Variants in AUTS2 observed in about 807,000 individuals in gnomAD.
The protein encoded by AUTS2 is activator of transcription and developmental regulator AUTS2.
In AUTS2, 17 loss-of-function variants were observed where a neutral mutation model predicts 112.4. The ratio of observed to expected loss-of-function variants is 0.15; its 90% CI spans 0.10 to 0.23. The LOEUF is 0.23. Ranked by LOEUF, AUTS2 falls within the 10% of genes least tolerant of loss-of-function variation. The pLI is 1.00. For synonymous variants in AUTS2, 751 were observed against 702.7 expected, an observed-to-expected ratio of 1.07 and a Z score of -1.09; for missense variants, 1,510 against 1,701.6, an observed-to-expected ratio of 0.89 and a Z score of 1.98.
chr7:70,043,057 A>G (rs969727959), intron 2 of AUTS2, among the ~76,000 whole-genome samples: 19 of 151,932 alleles, frequency 1.3e-4, no homozygotes, highest in African/African-American at 4.4e-4. Flanking sequence ...AAAATGTTTC[A>G]TGACAGTCTG....
At chr7:70,660,506 G>A (rs1457296196) in intron 5 of AUTS2, among the ~76,000 whole-genome samples, 1 of 152,210 alleles carries the variant, frequency 6.6e-6, no homozygotes, top group Non-Finnish European at 1.5e-5. Context: ...ACGTATTGAA[G>A]GCCTGCAGAT....
At chr7:70,042,509 G>A (rs1487676221) in intron 2 of AUTS2, among the ~76,000 whole-genome samples, 1 of 152,062 alleles carries the variant, frequency 6.6e-6, no homozygotes, top group East Asian at 1.9e-4. Flanking sequence ...TAAAAAAATT[G>A]TGCATTAAAT....
At chr7:70,117,023 A>C (rs6460536) in intron 2 of AUTS2, among the ~76,000 whole-genome samples, 51,125 of 149,406 alleles carry the variant, frequency 0.34, 8,850 homozygotes, top group African/African-American at 0.4. Flanking sequence ...AATTTTATGT[A>C]TTTGTTCATT....
chr7:69,801,153 C>A (rs1484752611), intron 1 of AUTS2, among the ~76,000 whole-genome samples: 1 of 150,870 alleles, frequency 6.6e-6, no homozygotes, highest in African/African-American at 2.4e-5. Flanking sequence ...AGCAGGTTAT[C>A]AATAAACATT....
At chr7:70,478,670 A>T (rs769709701) in intron 5 of AUTS2, among the ~76,000 whole-genome samples, 4 of 151,856 alleles carry the variant, frequency 2.6e-5, no homozygotes, top group Non-Finnish European at 5.9e-5. Flanking sequence ...GGCTCTCATG[A>T]GTCCTTCACA....
intron 4 of AUTS2, among the ~76,000 whole-genome samples, chr7:70,321,842 C>A (rs1445634463): frequency 2.0e-5 from 3 of 152,048 alleles, no homozygotes; most frequent in Admixed American, 2.0e-4. Context: ...GAGAATAGTA[C>A]CCTATAGTTT....
chr7:69,947,418 T>A (rs1477873088), intron 2 of AUTS2, among the ~76,000 whole-genome samples: 4 of 152,176 alleles, frequency 2.6e-5, no homozygotes, highest in Non-Finnish European at 5.9e-5. Flanking sequence ...GATTACTAAA[T>A]GACAAGTAAA....
At chr7:70,510,495 A>C (rs1799138124) in intron 5 of AUTS2, among the ~76,000 whole-genome samples, 1 of 152,148 alleles carries the variant, frequency 6.6e-6, no homozygotes, top group Non-Finnish European at 1.5e-5. Flanking sequence ...CCCAAGGGGG[A>C]TCCCCAAGAC....
chr7:70,105,318 T>TG (rs1267684681), intron 2 of AUTS2, among the ~76,000 whole-genome samples: 2 of 152,172 alleles, frequency 1.3e-5, no homozygotes, highest in Admixed American at 1.3e-4. Context: ...TGGAGTGCAG[T>TG]GGCCAATCAT....
intron 1 of AUTS2, among the ~76,000 whole-genome samples, chr7:69,716,742 G>C (rs1307462661): frequency 6.6e-6 from 1 of 152,086 alleles, no homozygotes; most frequent in Non-Finnish European, 1.5e-5. Flanking sequence ...GTGTACTTCT[G>C]ACCAACCAGC....
In AUTS2 at chr7:70,765,043, C is replaced by T. The variant is rs1434427205; in HGVS notation, c.1468+38C>T. ...GGCCTGTGCTCGTGACCCCGACCCC[C>T]ACCGCCCCTCGCTGTGACCTCACCC... is the stretch of plus-strand genomic sequence containing the variant. On this transcript the variant is annotated intron_variant, in intron 8 of 18. Transcript: ENST00000342771. 8 of 1,609,116 alleles carry T rather than the reference C, an allele frequency of 5.0e-6. No individual in the cohort carries two copies. The African/African-American group carries it at 5.3e-5, about 11-fold the overall frequency.
intron 1 of AUTS2, among the ~76,000 whole-genome samples, chr7:69,813,512 T>C (rs1790635349): frequency 6.6e-6 from 1 of 152,200 alleles, no homozygotes; most frequent in African/African-American, 2.4e-5. Flanking sequence ...ATTTAACCTT[T>C]CTAAGCCTAG....
chr7:69,831,648 G>C (rs2129527550), intron 1 of AUTS2, among the ~76,000 whole-genome samples: 1 of 150,524 alleles, frequency 6.6e-6, no homozygotes, highest in African/African-American at 2.4e-5. Flanking sequence ...TTAATCATCT[G>C]AACATGCTAT....
At chr7:70,578,946 CAG>C (rs1802301802) in intron 5 of AUTS2, among the ~76,000 whole-genome samples, 1 of 129,750 alleles carries the variant, frequency 7.7e-6, no homozygotes, top group Non-Finnish European at 1.6e-5. Flanking sequence ...TTTTGAGAAA[CAG>C]AGTCTCCCTC....
chr7:69,820,623 G>T (rs1276376367), intron 1 of AUTS2, among the ~76,000 whole-genome samples: 3 of 152,258 alleles, frequency 2.0e-5, no homozygotes, highest in African/African-American at 7.2e-5. Context: ...AGGATGCTAA[G>T]CTGGACTGTC....
chr7:70,110,388 C>T (rs1468859651), intron 2 of AUTS2, among the ~76,000 whole-genome samples: 1 of 152,042 alleles, frequency 6.6e-6, no homozygotes, highest in South Asian at 2.1e-4. Flanking sequence ...TGGTGGTGGG[C>T]ACCTGTAATC....
chr7:69,938,993 A>T (rs368774887), intron 2 of AUTS2, among the ~76,000 whole-genome samples: 1 of 152,230 alleles, frequency 6.6e-6, no homozygotes, highest in African/African-American at 2.4e-5. Context: ...TTTAACTGCT[A>T]TAGATATATT....
intron 1 of AUTS2, among the ~76,000 whole-genome samples, chr7:69,825,296 T>G (rs942220373): frequency 6.6e-6 from 1 of 152,150 alleles, no homozygotes; most frequent in Non-Finnish European, 1.5e-5. Flanking sequence ...CTGGCAGAGC[T>G]TTTAAGAAAT....
In AUTS2 at chr7:70,484,017, T is replaced by G. The variant is rs541706570; in HGVS notation, c.690+48236T>G. Among the ~76,000 whole-genome samples the G allele has an allele frequency of 6.4e-4, 98 of 152,328 alleles. 2 individuals are homozygous for G. The South Asian group carries it at 0.02, about 31-fold the overall frequency. On this transcript the variant is annotated intron_variant, in intron 5 of 18. Transcript: ENST00000342771. ...AAGCTTGGGTATATTTTAATAAAGA[T>G]GAATATCCCTAAAAATGCTTGAATT...
Sources: gnomAD v4.1 joint callset for allele counts (sites outside exome capture counted in the v4.1 genomes callset) on GRCh38, gnomAD v4.1.1 for gene constraint, MANE v1.5 for transcripts, NCBI Gene and HGNC (gene_info 2026-07-23, HGNC 2026-07-21) for gene names.